The following CRHR1 variants were observed in gnomAD, a reference collection of about 807,000 sequenced individuals.
CRHR1 encodes the protein corticotropin-releasing hormone receptor 1.
Under a neutral mutation model 56.0 loss-of-function variants are expected in CRHR1, and 28 were observed. The ratio of observed to expected loss-of-function variants is 0.50; its 90% confidence interval spans 0.37 to 0.69. The LOEUF is 0.69. Among genes scored for constraint, CRHR1 ranks in the 30% least tolerant of loss-of-function variants. The pLI, the probability that CRHR1 is intolerant of heterozygous loss-of-function variation, is 0.00. For synonymous variants in CRHR1, 195 were observed against 216.5 expected, an observed-to-expected ratio of 0.90 and a Z score of 0.87; for missense variants, 376 against 548.0, an observed-to-expected ratio of 0.69 and a Z score of 3.13.
chr17:45,809,789 G>C (rs1338983429), intron 2 of CRHR1, among the ~76,000 whole-genome samples: 1 of 152,278 alleles, frequency 6.6e-6, no homozygotes, highest in Non-Finnish European at 1.5e-5. Context: ...AACTGGGAGA[G>C]AGTGGGTCCC....
At position 45,784,632 on chromosome 17, in the gene CRHR1, G is replaced by C. The variant is rs2061297414; in HGVS notation, c.33+55G>C. ...CTGGCGCCCCCGGCCCCTGGCGGAC[G>C]CGGGACGGGGCTGGGCTGTGGGTGT... On this transcript the variant is annotated intron_variant, in intron 1 of 12. Coordinates refer to ENST00000314537, the MANE Select transcript of CRHR1 (RefSeq NM_004382.5). The surrounding 1 kb of genome is among the most constrained non-coding windows in gnomAD (Gnocchi z 4.2). 7 of 1,515,002 alleles carry C rather than the reference G, an allele frequency of 4.6e-6. No homozygotes were observed. Among genetic ancestry groups the C allele is most frequent in the Non-Finnish European group, 6.2e-6 (7 of 1,128,236 alleles). 93.8% of individuals were successfully genotyped at this position (1,515,002 alleles called of 1,614,324 possible).
In CRHR1 at chr17:45,830,400, T is replaced by C; in HGVS notation, c.556-17T>C. 6.3e-7 allele frequency: 1 copy of C among 1,597,136 alleles called. No individual in the cohort carries two copies. The highest frequency in any genetic ancestry group is 8.5e-7 in the Non-Finnish European group (1 of 1,170,118). On this transcript the variant is annotated splice_polypyrimidine_tract_variant and intron_variant, in intron 6 of 12. Coordinates refer to ENST00000314537, the MANE Select transcript of CRHR1 (RefSeq NM_004382.5). ...CCTGCCCCCCATCATCATCTCTGGT[T>C]GGGGGTGGGGTGGCAGGGCTGGTGC...
chr17:45,809,687 C>T (rs921245903), intron 2 of CRHR1, among the ~76,000 whole-genome samples: 1 of 152,134 alleles, frequency 6.6e-6, no homozygotes, highest in Non-Finnish European at 1.5e-5. Context: ...GAGGGTGGGG[C>T]GGAGGGGCGA....
chr17:45,810,287 A>G (rs1365274517), intron 2 of CRHR1, among the ~76,000 whole-genome samples: 2 of 151,596 alleles, frequency 1.3e-5, no homozygotes, highest in Non-Finnish European at 2.9e-5. Context: ...TCTGTCTCAA[A>G]TAATAATAAT....
At position 45,816,594 on chromosome 17, in the gene CRHR1, G is replaced by A; in HGVS notation, c.241+12G>A. On this transcript the variant is annotated intron_variant, in intron 3 of 12. Transcript: ENST00000314537. ...CTACAATACCACAAGTAAGGAAGAAGTGGAGGGTGGACCATCTGCTGGGAG... is the reference window on the plus strand; with the variant it reads ...CTACAATACCACAAGTAAGGAAGAAATGGAGGGTGGACCATCTGCTGGGAG... The A allele has an allele frequency of 6.2e-7, 1 of 1,614,016 alleles. No individual in the cohort carries two copies. Among genetic ancestry groups the A allele is most frequent in the Non-Finnish European group, 8.5e-7 (1 of 1,179,978 alleles).
At chr17:45,828,478 G>C (rs1271705968) in intron 4 of CRHR1, among the ~76,000 whole-genome samples, 1 of 152,184 alleles carries the variant, frequency 6.6e-6, no homozygotes, top group Non-Finnish European at 1.5e-5. Context: ...CACCACTCTT[G>C]GAACTCAAGA....
At chr17:45,802,455 G>A (rs1186790660) in intron 1 of CRHR1, among the ~76,000 whole-genome samples, 1 of 152,234 alleles carries the variant, frequency 6.6e-6, no homozygotes, top group East Asian at 1.9e-4. Flanking sequence ...GGAGCTTGAA[G>A]AGGAGATCAG....
intron 1 of CRHR1, among the ~76,000 whole-genome samples, chr17:45,802,712 C>T (rs1393215147): frequency 6.6e-6 from 1 of 152,178 alleles, no homozygotes; most frequent in Non-Finnish European, 1.5e-5. Flanking sequence ...TAGAAAATGC[C>T]TGTGTGAACC....
In CRHR1 at chr17:45,833,810, C is replaced by T. The variant is rs758035209; in HGVS notation, c.1026C>T (p.Val342=). 11 of 1,612,864 alleles carry T rather than the reference C, an allele frequency of 6.8e-6. 1 individual carries two copies. The highest frequency in any genetic ancestry group is 1.6e-4 in the Middle Eastern group (1 of 6,084). ...CCGGGGAGGATGAGGTCTCCCGGGT[C>T]GTCTTCATCTACTTCAACTCCTTCC... is the stretch of plus-strand genomic sequence containing the variant. ...VNPGEDEVSR[V]VFIYFNSFLE... Residue 342 remains valine, a synonymous_variant, in exon 11 of 13, where the codon GTC becomes GTT. Transcript: ENST00000314537.
At chr17:45,794,857 G>A (rs1050555785) in intron 1 of CRHR1, among the ~76,000 whole-genome samples, 1 of 152,216 alleles carries the variant, frequency 6.6e-6, no homozygotes, top group Non-Finnish European at 1.5e-5. Flanking sequence ...CAGGGCCCAG[G>A]ACCCGGCTCT....
At chr17:45,791,279 G>T (rs1393575612) in intron 1 of CRHR1, among the ~76,000 whole-genome samples, 1 of 152,108 alleles carries the variant, frequency 6.6e-6, no homozygotes, top group African/African-American at 2.4e-5. Context: ...TTTTACCCTG[G>T]GGAAAGGGCT....
At chr17:45,821,215 C>T (rs1176559084) in intron 3 of CRHR1, 140 bp from the exon 4 acceptor site, 55 of 754,590 alleles carry the variant, frequency 7.3e-5, no homozygotes, top group Admixed American at 5.9e-4. Context: ...GCCCCTCTCC[C>T]CAGCTTCACT....
rs1449913105 is a variant in CRHR1 at position 45,833,994 on chromosome 17, C to G, written c.1066-13C>G. 1.2e-6 allele frequency: 2 copies of G among 1,613,812 alleles called. No individual in the cohort carries two copies. The highest frequency in any genetic ancestry group is 1.7e-6 in the Non-Finnish European group (2 of 1,179,924). On this transcript the variant is annotated splice_polypyrimidine_tract_variant and intron_variant, in intron 11 of 12. Transcript: ENST00000314537. The stretch of plus-strand genomic sequence containing the variant: ...CTGCAGCCGACCTTTGACGCCTCCT[C>G]TCTCCTCCCCAGGGCTTCTTTGTGT...
chr17:45,815,147 C>T (rs2061901013), intron 2 of CRHR1, among the ~76,000 whole-genome samples: 1 of 152,238 alleles, frequency 6.6e-6, no homozygotes, highest in Non-Finnish European at 1.5e-5. Context: ...GAAGAGGCTG[C>T]CCCCACACGC....
Position 45,829,208 on chromosome 17 carries a change from G to A in CRHR1, c.328-7G>A. The A allele has an allele frequency of 6.2e-7, 1 of 1,611,798 alleles. No individual in the cohort carries two copies. Among genetic ancestry groups the A allele is most frequent in the Non-Finnish European group, 8.5e-7 (1 of 1,178,512 alleles). On this transcript the variant is annotated splice_region_variant and splice_polypyrimidine_tract_variant and intron_variant, in intron 4 of 12. Transcript: ENST00000314537. ...AGGCTCACCTCTGCCCCTCTCTCCT[G>A]CTCCAGAAAAAAAGCAAGGTGCACT...
At chr17:45,808,534 C>G (rs1371025527) in intron 2 of CRHR1, among the ~76,000 whole-genome samples, 1 of 152,166 alleles carries the variant, frequency 6.6e-6, no homozygotes, top group Non-Finnish European at 1.5e-5. Context: ...GGGCTGTTAC[C>G]TGCCCCAAGG....
chr17:45,818,324 C>T (rs57546335), intron 3 of CRHR1, among the ~76,000 whole-genome samples: 95 of 152,356 alleles, frequency 6.2e-4, no homozygotes, highest in African/African-American at 2.2e-3. Flanking sequence ...CCCATGAGTT[C>T]CCTCTGCTCC....
At position 45,834,887 on chromosome 17, in the gene CRHR1, T is replaced by G. The variant is rs1205612017; in HGVS notation, c.*123T>G. 7.4e-7 allele frequency: 1 copy of G among 1,356,776 alleles called. No homozygotes were observed. The highest frequency in any genetic ancestry group is 1.3e-5 in the South Asian group (1 of 75,346). The allele number at this position is 1,356,776 out of a possible 1,614,324, so 84.0% of individuals were successfully genotyped here. A position where few individuals can be genotyped will look rare whatever the true frequency, so the allele number is the denominator to read the frequency against. On this transcript the variant is annotated 3_prime_UTR_variant, in exon 13 of 13. Transcript: ENST00000314537. The stretch of plus-strand genomic sequence containing the variant: ...TCATGCCCACTCCCCCAGGAGCAGC[T>G]GGCACTGACAGCCTGGGGGGGCCGC...
At position 45,834,058 on chromosome 17, in the gene CRHR1, C is replaced by T. The variant is rs41457044; in HGVS notation, c.1107+10C>T. On this transcript the variant is annotated intron_variant, in intron 12 of 12. Transcript: ENST00000314537. ...TTTCCTCAATAGTGAGGTGAGGACC[C>T]GGGGGCCCTGCAGCGGGGTTCAGGG... The T allele has an allele frequency of 0.19, 302,739 of 1,610,432 alleles. 32,711 individuals are homozygous for T. The highest frequency in any genetic ancestry group is 0.22 in the Non-Finnish European group (259,637 of 1,176,720).
Sources: allele counts gnomAD v4.1 joint callset (sites outside exome capture counted in the v4.1 genomes callset), GRCh38; gene constraint gnomAD v4.1.1; non-coding constraint Gnocchi (gnomAD v3.1); transcripts MANE v1.5; gene names NCBI Gene and HGNC (gene_info 2026-07-23, HGNC 2026-07-21).